RAP1GAP2: variants seen among roughly 807,000 people sequenced by gnomAD.
The protein encoded by RAP1GAP2 is RAP1 GTPase activating protein 2, also known as rap1 GTPase-activating protein 2.
A neutral mutation model predicts 95.0 loss-of-function variants in RAP1GAP2; 27 were observed. The ratio of observed to expected loss-of-function variants is 0.28; its 90% CI spans 0.21 to 0.39. RAP1GAP2 has a LOEUF of 0.39. Ranked by LOEUF, RAP1GAP2 falls within the 10% of genes least tolerant of loss-of-function variation. The pLI, the probability that RAP1GAP2 is intolerant of heterozygous loss-of-function variation, is 1.00. For missense variants in RAP1GAP2, 771 were observed against 970.0 expected, an observed-to-expected ratio of 0.79 and a Z score of 2.72; for synonymous variants, 373 against 380.9, an observed-to-expected ratio of 0.98 and a Z score of 0.24.
At chr17:2,978,878 T>TTACA (rs1414324200) in intron 8 of RAP1GAP2, among the ~76,000 whole-genome samples, 1 of 151,938 alleles carries the variant, frequency 6.6e-6, no homozygotes, top group Non-Finnish European at 1.5e-5. Context: ...GAGGTTGTAG[T>TTACA]GAGCCGAGAT....
chr17:2,968,266 A>G (rs180946491), intron 8 of RAP1GAP2, among the ~76,000 whole-genome samples: 1 of 152,332 alleles, frequency 6.6e-6, no homozygotes, highest in African/African-American at 2.4e-5. Context: ...AAGAATTTTA[A>G]ATAGTATATG....
chr17:2,984,848 C>T (rs981709252), intron 10 of RAP1GAP2, 135 bp from the exon 11 acceptor site: 47 of 1,452,632 alleles, frequency 3.2e-5, no homozygotes, highest in Non-Finnish European at 4.2e-5. Flanking sequence ...CTCTCTCTCT[C>T]CCTCCGTGTA....
intron 2 of RAP1GAP2, among the ~76,000 whole-genome samples, chr17:2,891,598 T>C: frequency 6.6e-6 from 1 of 150,714 alleles, no homozygotes; most frequent in Non-Finnish European, 1.5e-5. Context: ...CATCCTCTAG[T>C]GATAGTATCC....
intron 2 of RAP1GAP2, among the ~76,000 whole-genome samples, chr17:2,835,410 G>A (rs958550694): frequency 6.7e-5 from 9 of 135,152 alleles, no homozygotes; most frequent in Non-Finnish European, 1.6e-4. Flanking sequence ...TAGTAGAGAT[G>A]GGGTTTCACC....
chr17:3,023,924 TGTTA>T (rs2047028551), intron 19 of RAP1GAP2, among the ~76,000 whole-genome samples: 1 of 152,202 alleles, frequency 6.6e-6, no homozygotes, highest in South Asian at 2.1e-4. Flanking sequence ...TCTGTTCCTG[TGTTA>T]GTTTGCTGAG....
intron 12 of RAP1GAP2, 119 bp downstream of exon 12, chr17:2,991,516 G>C: frequency 2.7e-6 from 2 of 735,302 alleles, no homozygotes; most frequent in Non-Finnish European, 4.6e-6. Flanking sequence ...ATGAGGGATG[G>C]CTTTTCAGGG....
intron 8 of RAP1GAP2, among the ~76,000 whole-genome samples, chr17:2,978,112 T>C (rs1320967052): frequency 6.6e-6 from 1 of 152,204 alleles, no homozygotes; most frequent in Non-Finnish European, 1.5e-5. Context: ...ACAGCAAAAC[T>C]AGCAATAATT....
chr17:2,993,488 G>A (rs866489094), intron 12 of RAP1GAP2, among the ~76,000 whole-genome samples: 1 of 151,840 alleles, frequency 6.6e-6, no homozygotes, highest in Admixed American at 6.6e-5. Context: ...CAGGAGAATC[G>A]CTTGAACCCA....
intron 3 of RAP1GAP2, among the ~76,000 whole-genome samples, chr17:2,908,814 T>C (rs2151739014): frequency 6.6e-6 from 1 of 152,138 alleles, no homozygotes; most frequent in African/African-American, 2.4e-5. Context: ...TCAAGGATCC[T>C]CCCATCTTAG....
chr17:2,875,332 G>T (rs536399369), intron 2 of RAP1GAP2, among the ~76,000 whole-genome samples: 2 of 152,140 alleles, frequency 1.3e-5, no homozygotes, highest in Non-Finnish European at 2.9e-5. Context: ...CTCCCAAAGT[G>T]CTGGGATTAC....
chr17:2,973,840 T>C (rs2044979082), intron 8 of RAP1GAP2, among the ~76,000 whole-genome samples: 1 of 152,178 alleles, frequency 6.6e-6, no homozygotes, highest in Non-Finnish European at 1.5e-5. Flanking sequence ...CTGCTGAAAG[T>C]GATTTAAAAA....
chr17:2,773,725 CTATTTATTTATT>C (rs58664630), upstream of RAP1GAP2, among the ~76,000 whole-genome samples: 24,029 of 147,852 alleles, frequency 0.16, 2,086 homozygotes, highest in South Asian at 0.31. Context: ...ACAGTAGACA[CTATTTATTTATT>C]TATTTATTTA....
chr17:2,979,152 T>C (rs1299551638), intron 8 of RAP1GAP2, among the ~76,000 whole-genome samples: 1 of 152,142 alleles, frequency 6.6e-6, no homozygotes, highest in Non-Finnish European at 1.5e-5. Flanking sequence ...CAGAAAAGCA[T>C]TCAGTAAAAT....
At chr17:2,860,413 G>A (rs1439410537) in intron 2 of RAP1GAP2, among the ~76,000 whole-genome samples, 2 of 151,532 alleles carry the variant, frequency 1.3e-5, no homozygotes, top group South Asian at 2.1e-4. Flanking sequence ...CAGAATGTGA[G>A]GTGCAAATGA....
intron 4 of RAP1GAP2, among the ~76,000 whole-genome samples, chr17:2,961,969 C>A (rs2044353326): frequency 1.4e-5 from 2 of 146,922 alleles, no homozygotes; most frequent in African/African-American, 2.5e-5. Flanking sequence ...ATGGCGCGAT[C>A]TCGGCTCACT....
intron 2 of RAP1GAP2, among the ~76,000 whole-genome samples, chr17:2,812,561 G>A (rs2069814831): frequency 1.3e-5 from 2 of 152,136 alleles, no homozygotes; most frequent in South Asian, 4.1e-4. Context: ...CTGGTGTAGG[G>A]ACCCCCAGCC....
At position 2,866,640 on chromosome 17, in the gene RAP1GAP2, G is replaced by A. The variant is rs915965446; in HGVS notation, c.81-38644G>A. ...TTTTGAGGCAGCATCTCCCTCTGTC[G>A]CCAGGCTGGAGTGCAGTGGTGCGAT... On this transcript the variant is annotated intron_variant, in intron 2 of 24. Coordinates refer to ENST00000254695, the MANE Select transcript of RAP1GAP2 (RefSeq NM_015085.5). This position sits in a 1 kb window ranked among gnomAD's most constrained non-coding sequence, Gnocchi z 4.0. 1.7e-4 allele frequency among the ~76,000 whole-genome samples: 26 copies of A among 151,632 alleles called. No homozygotes were observed. Among genetic ancestry groups the A allele is most frequent in the African/African-American group, 5.3e-4 (22 of 41,298 alleles).
chr17:2,827,234 G>C lies in RAP1GAP2; in HGVS notation c.80+26684G>C, dbSNP rs1033955486. ...TGTGGTTGGGCTCTTTAGCTCAGGA[G>C]AGCTCAGCTGAGTGGATACCCACTC... On this transcript the variant is annotated intron_variant, in intron 2 of 24. Coordinates refer to ENST00000254695, the MANE Select transcript of RAP1GAP2 (RefSeq NM_015085.5). This position sits in a 1 kb window ranked among gnomAD's most constrained non-coding sequence, Gnocchi z 4.1. Among the ~76,000 whole-genome samples, 2 of 152,154 alleles carry C rather than the reference G, an allele frequency of 1.3e-5. No individual in the cohort carries two copies. Among genetic ancestry groups the C allele is most frequent in the African/African-American group, 4.8e-5 (2 of 41,442 alleles).
intron 2 of RAP1GAP2, among the ~76,000 whole-genome samples, chr17:2,875,883 T>G (rs1597487442): frequency 6.6e-6 from 1 of 151,716 alleles, no homozygotes; most frequent in Admixed American, 6.6e-5. Context: ...CCCGCCAAAG[T>G]CATCCTTCCT....
Sources: allele counts gnomAD v4.1 joint callset (sites outside exome capture counted in the v4.1 genomes callset), GRCh38; gene constraint gnomAD v4.1.1; non-coding constraint Gnocchi (gnomAD v3.1); transcripts MANE v1.5; gene names NCBI Gene and HGNC (gene_info 2026-07-23, HGNC 2026-07-21).